Variants in LRRIQ3 observed in about 807,000 individuals in gnomAD.
LRRIQ3 encodes leucine-rich repeat and IQ domain-containing protein 3.
A neutral mutation model predicts 59.3 loss-of-function variants in LRRIQ3; 75 were observed. The ratio of observed to expected loss-of-function variants is 1.26; its 90% CI spans 1.05 to 1.53. The LOEUF (loss-of-function observed/expected upper bound fraction) is 1.53, where lower values mean the gene tolerates loss of function less well. Among genes scored for constraint, LRRIQ3 ranks in the 40% most tolerant of loss-of-function variants. The probability of loss-of-function intolerance (pLI) is 0.00; values close to 1 mark genes in which losing one functional copy is unlikely to be tolerated. For synonymous variants in LRRIQ3, 250 were observed against 231.3 expected (o/e 1.08, Z -0.73); for missense variants, 831 against 710.0 (o/e 1.17, Z -1.94).
chr1:74,080,712 C>A (rs192487333), intron 5 of LRRIQ3, among the ~76,000 whole-genome samples: 30 of 151,776 alleles, frequency 2.0e-4, no homozygotes, highest in African/African-American at 6.5e-4. Flanking sequence ...AGAGATTATA[C>A]TAAAACTCAA....
At chr1:74,027,989 C>T (rs970783302) in intron 7 of LRRIQ3, among the ~76,000 whole-genome samples, 12 of 151,916 alleles carry the variant, frequency 7.9e-5, no homozygotes, top group Non-Finnish European at 1.5e-4. Flanking sequence ...GTTAAAATAA[C>T]CTTTGAACTG....
At chr1:74,162,387 A>G (rs932157733) in intron 3 of LRRIQ3, among the ~76,000 whole-genome samples, 1 of 151,932 alleles carries the variant, frequency 6.6e-6, no homozygotes, top group East Asian at 1.9e-4. Context: ...AGCAAAGAAC[A>G]AAAGATGCTT....
At chr1:74,051,074 C>T (rs576046665) in intron 6 of LRRIQ3, among the ~76,000 whole-genome samples, 2 of 152,250 alleles carry the variant, frequency 1.3e-5, no homozygotes, top group South Asian at 2.1e-4. Flanking sequence ...GATGCACAGG[C>T]GTTACCCCTC....
chr1:74,117,584 G>A (rs1373754182), intron 4 of LRRIQ3, among the ~76,000 whole-genome samples: 2 of 152,094 alleles, frequency 1.3e-5, no homozygotes, highest in Admixed American at 6.6e-5. Context: ...TGGCCAAGGT[G>A]GTGAAACCTT....
At chr1:74,040,487 C>A (rs550624559) in intron 7 of LRRIQ3, among the ~76,000 whole-genome samples, 1 of 152,326 alleles carries the variant, frequency 6.6e-6, no homozygotes, top group Non-Finnish European at 1.5e-5. Context: ...ACAGAATATA[C>A]ATTCTTCTCA....
rs542601829 is a variant in LRRIQ3 at position 74,180,631 on chromosome 1, T to A, written c.573+1907A>T. ...ATTCTTCTCCTCTTTCCACACTCAG[T>A]GTGAAAAGTACACTCAAATCTCTGC... is the stretch of plus-strand genomic sequence containing the variant. On this transcript the variant is annotated intron_variant, in intron 3 of 7. Transcript: ENST00000354431. 4 of 1,260,040 alleles carry A rather than the reference T, an allele frequency of 3.2e-6. No homozygotes were observed. In the African/African-American group the frequency reaches 4.5e-5, roughly 14 times the overall value. The allele number at this position is 1,260,040 out of a possible 1,614,324, so 78.1% of individuals were successfully genotyped here.
chr1:74,163,296 T>TA (rs1011229146), intron 3 of LRRIQ3, among the ~76,000 whole-genome samples: 30 of 151,662 alleles, frequency 2.0e-4, no homozygotes, highest in African/African-American at 6.8e-4. Context: ...CACAAAATGG[T>TA]AAAAAATCTG....
chr1:74,074,661 CT>C lies in LRRIQ3; in HGVS notation c.996del (p.Gly333ValfsTer32). 7.6e-7 allele frequency: 1 copy of C among 1,317,036 alleles called. No individual in the cohort carries two copies. The highest frequency in any genetic ancestry group is 1.0e-6 in the Non-Finnish European group (1 of 1,003,232). The allele number at this position is 1,317,036 out of a possible 1,614,324, so 81.6% of individuals were successfully genotyped here. On this transcript the variant is annotated frameshift_variant and splice_region_variant, in exon 6 of 8. Transcript: ENST00000354431. LOFTEE classifies it high-confidence loss of function. Reference sequence around the variant, plus strand: ...ATAATTAAAAATTCATATAACTAACCTTTTTGAATGAGATGTCTTGATGTTT... The same window carrying C: ...ATAATTAAAAATTCATATAACTAACCTTTTGAATGAGATGTCTTGATGTTT... Reference protein sequence around the residue: ...KSKTSRHLIQKGQESEDEIVD... With the variant: ...KSKTSRHLIQXGQESEDEIVD...
intron 6 of LRRIQ3, among the ~76,000 whole-genome samples, chr1:74,061,799 C>T (rs913648365): frequency 6.6e-6 from 1 of 152,088 alleles, no homozygotes; most frequent in African/African-American, 2.4e-5. Flanking sequence ...GTTTGGGAGG[C>T]CTAGTCCGGT....
chr1:74,138,163 C>CA (rs71588822), intron 4 of LRRIQ3, among the ~76,000 whole-genome samples: 5,635 of 111,624 alleles, frequency 0.05, 120 homozygotes, highest in South Asian at 0.18. Context: ...AACAAACAAA[C>CA]AAAAAAAAAA....
chr1:74,055,038 T>C (rs372383666), intron 6 of LRRIQ3, among the ~76,000 whole-genome samples: 2 of 148,068 alleles, frequency 1.4e-5, no homozygotes, highest in Non-Finnish European at 3.0e-5. Flanking sequence ...ATAGCTTATA[T>C]AAATACCCAC....
At chr1:74,077,072 C>G (rs1646217871) in intron 5 of LRRIQ3, among the ~76,000 whole-genome samples, 1 of 151,724 alleles carries the variant, frequency 6.6e-6, no homozygotes, top group Non-Finnish European at 1.5e-5. Context: ...TCATTTAGGC[C>G]CTGGTTTTTC....
intron 3 of LRRIQ3, among the ~76,000 whole-genome samples, chr1:74,164,891 A>G (rs1028015778): frequency 6.6e-6 from 1 of 151,514 alleles, no homozygotes; most frequent in Non-Finnish European, 1.5e-5. Flanking sequence ...ATGGATACCC[A>G]ATTGCTCCAG....
rs780940907 is a variant in LRRIQ3 at position 74,041,927 on chromosome 1, T to A, written c.1004A>T (p.Glu335Val). 28 of 1,596,206 alleles carry A rather than the reference T, an allele frequency of 1.8e-5. No individual in the cohort carries two copies. In the Admixed American group the frequency reaches 4.6e-4, roughly 26 times the overall value. Residue 335 changes from glutamate to valine, a missense_variant, in exon 7 of 8, where the codon GAG becomes GTG. Coordinates refer to ENST00000354431, the MANE Select transcript of LRRIQ3 (RefSeq NM_001105659.2). The stretch of plus-strand genomic sequence containing the variant: ...TTCATCCACAATTTCATCTTCAGAC[T>A]CCTGACCTACATCAAACAGAAGCAA... Reference protein sequence around the residue: ...TSRHLIQKGQESEDEIVDEKL... With the variant: ...TSRHLIQKGQVSEDEIVDEKL...
At chr1:74,053,869 A>G (rs180819037) in intron 6 of LRRIQ3, among the ~76,000 whole-genome samples, 26 of 152,224 alleles carry the variant, frequency 1.7e-4, no homozygotes, top group Non-Finnish European at 2.5e-4. Context: ...GACAACACCA[A>G]ATACTGATGA....
chr1:74,089,084 G>A (rs1477980784), intron 5 of LRRIQ3, among the ~76,000 whole-genome samples: 1 of 151,906 alleles, frequency 6.6e-6, no homozygotes, highest in Non-Finnish European at 1.5e-5. Context: ...AACTGCTAGG[G>A]GAATGCAAAT....
chr1:74,116,993 C>T (rs11210418), intron 4 of LRRIQ3, among the ~76,000 whole-genome samples: 64,878 of 151,788 alleles, frequency 0.43, 15,393 homozygotes, highest in East Asian at 0.77. Flanking sequence ...TAATGTAGTG[C>T]CACCTTTTAG....
chr1:74,059,537 G>A (rs1654639101), intron 6 of LRRIQ3, among the ~76,000 whole-genome samples: 1 of 151,990 alleles, frequency 6.6e-6, no homozygotes, highest in African/African-American at 2.4e-5. Context: ...TTGTCAAAAA[G>A]TTGTATTGCC....
chr1:74,082,587 C>T (rs966448711), intron 5 of LRRIQ3: 5 of 151,386 alleles, frequency 3.3e-5, no homozygotes, highest in African/African-American at 4.8e-5. Flanking sequence ...AAGCCACAAA[C>T]GGGGACTTGC....
Sources: allele counts gnomAD v4.1 joint callset (sites outside exome capture counted in the v4.1 genomes callset), GRCh38; gene constraint gnomAD v4.1.1; transcripts MANE v1.5; gene names NCBI Gene and HGNC (gene_info 2026-07-23, HGNC 2026-07-21).